The following GIT1 variants were observed in gnomAD, a reference collection of about 807,000 sequenced individuals.
GIT1 encodes the protein ARF GTPase-activating protein GIT1.
In GIT1, 14 loss-of-function variants were observed where a neutral mutation model predicts 91.7. That is an observed-to-expected ratio of 0.15 (90% CI 0.10 to 0.24). GIT1 has a LOEUF of 0.24. GIT1 is among the 10% of genes least tolerant of loss of function. GIT1 has a pLI of 1.00. For missense variants in GIT1, 717 were observed against 1,024.9 expected, an observed-to-expected ratio of 0.70 and a Z score of 4.10; for synonymous variants, 414 against 418.2, an observed-to-expected ratio of 0.99 and a Z score of 0.12.
Position 29,589,177 on chromosome 17 carries a change from C to T in GIT1, c.52+150G>A. The stretch of plus-strand genomic sequence containing the variant: ...GGCCCTCCCGCCAAGGGCGCAGCTC[C>T]GCAGTGGCCGAGGCGGGGGCCCAGC... On this transcript the variant is annotated intron_variant, in intron 1 of 19. Transcript: ENST00000225394. The surrounding 1 kb of genome is among the most constrained non-coding windows in gnomAD (Gnocchi z 5.2). 4.9e-6 allele frequency: 1 copy of T among 203,950 alleles called. No individual in the cohort carries two copies. Among genetic ancestry groups the T allele is most frequent in the Non-Finnish European group, 8.7e-6 (1 of 114,514 alleles). 12.6% of individuals were successfully genotyped at this position (203,950 alleles called of 1,614,324 possible).
At position 29,574,860 on chromosome 17, in the gene GIT1, A is replaced by G; in HGVS notation, c.2128T>C (p.Tyr710His). The G allele has an allele frequency of 1.9e-6, 3 of 1,595,650 alleles. No individual in the cohort carries two copies. Among genetic ancestry groups the G allele is most frequent in the East Asian group, 2.3e-5 (1 of 44,334 alleles). The change falls in exon 20 of 20, where the codon TAC becomes CAC. Residue 710 changes from tyrosine (Y) to histidine (H), a missense_variant. Coordinates refer to ENST00000225394, the MANE Select transcript of GIT1 (RefSeq NM_014030.4). Reference protein sequence around the residue: ...SSLRLLNASAYRLQSECRKTV... With the variant: ...SSLRLLNASAHRLQSECRKTV... ...TTCCGGCACTCACTCTGCAGCCGGTAGGCGCTGGCGTTGAGCAGCCGCAGT... is the reference window on the plus strand; with the variant it reads ...TTCCGGCACTCACTCTGCAGCCGGTGGGCGCTGGCGTTGAGCAGCCGCAGT...
rs1211533110 is a variant in GIT1 at position 29,578,731 on chromosome 17, C to T, written c.810G>A (p.Ala270=). Reference sequence around the variant, plus strand: ...CAGGGCACTGTTGGAGCAGACTTACCGCCTGCAGCTTCTTCTTAGCAGCTT... The same window carrying T: ...CAGGGCACTGTTGGAGCAGACTTACTGCCTGCAGCTTCTTCTTAGCAGCTT... The part of the protein sequence containing the change: ...LAKAAKKKLQ[A]LSNRLFEELA... Residue 270 remains alanine (A), a splice_region_variant and synonymous_variant, in exon 8 of 20, where the codon GCG becomes GCA. Transcript: ENST00000225394. 11 of 1,612,806 alleles carry T rather than the reference C, an allele frequency of 6.8e-6. No individual in the cohort carries two copies. In the East Asian group the frequency reaches 1.1e-4, roughly 16 times the overall value.
chr17:29,581,701 C>A lies in GIT1; in HGVS notation c.718+41G>T. ...CCAGGTCCCACCTGCCCAGCCCCAG[C>A]CAGGCCTGTCACAGCCAGGCGCCCC... On this transcript the variant is annotated intron_variant, in intron 6 of 19. Transcript: ENST00000225394. This position sits in a 1 kb window ranked among gnomAD's most constrained non-coding sequence, Gnocchi z 4.8. 1 of 1,521,752 alleles carries A rather than the reference C, an allele frequency of 6.6e-7. No individual in the cohort carries two copies. The highest frequency in any genetic ancestry group is 9.0e-7 in the Non-Finnish European group (1 of 1,105,770). 94.3% of individuals were successfully genotyped at this position (1,521,752 alleles called of 1,614,324 possible). A position where few individuals can be genotyped will look rare whatever the true frequency, so the allele number is the denominator to read the frequency against.
At chr17:29,578,148 C>T in intron 9 of GIT1, 151 bp downstream of exon 9, 1 of 694,282 alleles carries the variant, frequency 1.4e-6, no homozygotes, top group South Asian at 1.6e-5. Context: ...TGGGATGCTG[C>T]CCAGGCAGGC....
chr17:29,586,394 C>T (rs897620098), intron 1 of GIT1, among the ~76,000 whole-genome samples: 1 of 152,146 alleles, frequency 6.6e-6, no homozygotes, highest in Non-Finnish European at 1.5e-5. Context: ...CAAGAAAATT[C>T]TTCTTCCAAT....
At position 29,582,960 on chromosome 17, in the gene GIT1, G is replaced by A. The variant is rs758917946; in HGVS notation, c.264C>T (p.Ser88=). 1.3e-5 allele frequency: 21 copies of A among 1,611,808 alleles called. No individual in the cohort carries two copies. Among genetic ancestry groups the A allele is most frequent in the Middle Eastern group, 1.6e-4 (1 of 6,084 alleles). Reference sequence around the variant, plus strand: ...CTTGGGGGTTGGCTTTACGCCGGCCGCTCTGCACTTGTGCGGGGTCCAGCA... The same window carrying A: ...CTTGGGGGTTGGCTTTACGCCGGCCACTCTGCACTTGTGCGGGGTCCAGCA... ...HSLLDPAQVQ[S]GRRKANPQDK... is the part of the protein sequence containing the mutation. The change falls in exon 3 of 20, where the codon AGC becomes AGT. Residue 88 remains serine (S), a synonymous_variant. Coordinates refer to ENST00000225394, the MANE Select transcript of GIT1 (RefSeq NM_014030.4).
rs1293735968 is a variant in GIT1, at chr17:29,573,748, CG to C, written c.*953del. 1 of 152,628 alleles carries C rather than the reference CG, an allele frequency of 6.6e-6. No individual in the cohort carries two copies. Among genetic ancestry groups the C allele is most frequent in the Admixed American group, 6.5e-5 (1 of 15,292 alleles). The allele number at this position is 152,628 out of a possible 1,614,324, so 9.5% of individuals were successfully genotyped here. ...TCAGCTCCACAGCCACCAGCTGAGT[CG>C]GGGACCCCGGGGAGCCAGCCCCAGG... is the stretch of plus-strand genomic sequence containing the variant. On this transcript the variant is annotated 3_prime_UTR_variant, in exon 20 of 20. Transcript: ENST00000225394.
rs569157701 is a variant in GIT1 at position 29,576,647 on chromosome 17, C to T, written c.1255G>A (p.Gly419Arg). ...AGGTACTCCTGCAGCGTCACAGCCC[C>T]GTCAGACAAGTCCGAGGAGTCCATG... ...RSMDSSDLSD[G>R]AVTLQEYLEL... Residue 419 changes from glycine to arginine, a missense_variant, in exon 13 of 20, where the codon GGG becomes AGG. This residue lies in a region of GIT1 where 312 missense variants were observed against 349.5 expected (regional missense o/e 0.89). Transcript: ENST00000225394. 9 of 1,613,868 alleles carry T rather than the reference C, an allele frequency of 5.6e-6. No homozygotes were observed. Among genetic ancestry groups the T allele is most frequent in the African/African-American group, 2.7e-5 (2 of 74,928 alleles).
At chr17:29,578,426 G>A (rs959752517) in intron 8 of GIT1, 55 bp from the exon 9 acceptor site, 31 of 1,503,496 alleles carry the variant, frequency 2.1e-5, no homozygotes, top group Non-Finnish European at 2.7e-5. Flanking sequence ...CCAGTGCCAA[G>A]GCCAGCTCCC....
intron 1 of GIT1, among the ~76,000 whole-genome samples, chr17:29,585,022 G>T (rs1481597446): frequency 1.3e-5 from 2 of 150,290 alleles, no homozygotes; most frequent in African/African-American, 4.9e-5. Context: ...GAGTGCAGCG[G>T]GTTTAGGCTT....
chr17:29,578,650 G>A, intron 8 of GIT1, 81 bp downstream of exon 8: 1 of 1,263,656 alleles, frequency 7.9e-7, no homozygotes, highest in Non-Finnish European at 1.2e-6. Context: ...TCGAGTCAGA[G>A]GCAGAGGAAG....
Position 29,574,507 on chromosome 17 carries a change from C to A in GIT1, c.*195G>T. ...GTGCATGGAATGTGGGGGACAGAAG[C>A]TCCTGCCCCCCCACCTCCCCATCCT... On this transcript the variant is annotated 3_prime_UTR_variant, in exon 20 of 20. Transcript: ENST00000225394. 1.6e-6 allele frequency: 1 copy of A among 640,626 alleles called. No individual in the cohort carries two copies. The highest frequency in any genetic ancestry group is 2.8e-6 in the Non-Finnish European group (1 of 357,568). The allele number at this position is 640,626 out of a possible 1,614,324, so 39.7% of individuals were successfully genotyped here. A position where few individuals can be genotyped will look rare whatever the true frequency, so the allele number is the denominator to read the frequency against.
chr17:29,584,945 T>C (rs1188512022), intron 1 of GIT1, among the ~76,000 whole-genome samples: 2 of 149,738 alleles, frequency 1.3e-5, no homozygotes, highest in African/African-American at 4.9e-5. Context: ...GAGAGGCCTG[T>C]CTTTGGGTTT....
At chr17:29,583,133 A>T (rs1241288092) in intron 2 of GIT1, 96 bp from the exon 3 acceptor site, 1 of 821,562 alleles carries the variant, frequency 1.2e-6, no homozygotes, top group East Asian at 2.6e-5. Context: ...GCGTAGCTGG[A>T]AACGGTACCA....
At chr17:29,588,039 G>A (rs567744468) in intron 1 of GIT1, among the ~76,000 whole-genome samples, 106 of 152,254 alleles carry the variant, frequency 7.0e-4, no homozygotes, top group Non-Finnish European at 1.4e-3. Context: ...ACCACCTATG[G>A]AGTATTTTGT....
In GIT1 at chr17:29,581,421, G is replaced by GGCCACCCAGCACTA; in HGVS notation, c.719-42_719-41insTAGTGCTGGGTGGC. On this transcript the variant is annotated intron_variant, in intron 6 of 19. Coordinates refer to ENST00000225394, the MANE Select transcript of GIT1 (RefSeq NM_014030.4). This position sits in a 1 kb window ranked among gnomAD's most constrained non-coding sequence, Gnocchi z 4.8. ...AATGCCAAGTCACTCACTAGTGCTG[G>GGCCACCCAGCACTA]GTGGCCTCAGCAGCTGGGAGCCCAC... 1 of 1,516,710 alleles carries GGCCACCCAGCACTA rather than the reference G, an allele frequency of 6.6e-7. No homozygotes were observed. The highest frequency in any genetic ancestry group is 9.2e-7 in the Non-Finnish European group (1 of 1,091,886). The allele number at this position is 1,516,710 out of a possible 1,614,324, so 94.0% of individuals were successfully genotyped here.
chr17:29,588,225 C>T (rs1598583206), intron 1 of GIT1, among the ~76,000 whole-genome samples: 1 of 152,314 alleles, frequency 6.6e-6, no homozygotes, highest in East Asian at 1.9e-4. Context: ...CCCACAGCCC[C>T]GCTAGAGTTC....
chr17:29,576,196 C>G (rs764616333), intron 14 of GIT1, 24 bp downstream of exon 14: 14 of 1,608,156 alleles, frequency 8.7e-6, no homozygotes, highest in Non-Finnish European at 1.2e-5. Flanking sequence ...TCTCCCCACA[C>G]CTTGAGACCC....
intron 1 of GIT1, among the ~76,000 whole-genome samples, chr17:29,588,449 T>C (rs1598583687): frequency 6.6e-6 from 1 of 151,834 alleles, no homozygotes; most frequent in South Asian, 2.1e-4. Context: ...CCTAACTCTG[T>C]TAGGAAAAGG....
Sources: gnomAD v4.1 joint callset for allele counts (sites outside exome capture counted in the v4.1 genomes callset) on GRCh38, gnomAD v4.1.1 for gene constraint, gnomAD v4.1.1 regional missense constraint, Gnocchi (gnomAD v3.1) non-coding constraint, MANE v1.5 for transcripts, NCBI Gene and HGNC (gene_info 2026-07-23, HGNC 2026-07-21) for gene names.